Variants in ADAMTS9 observed in about 807,000 individuals in gnomAD.
ADAMTS9 encodes the protein ADAM metallopeptidase with thrombospondin type 1 motif 9, also known as A disintegrin and metalloproteinase with thrombospondin motifs 9.
A neutral mutation model predicts 257.1 loss-of-function variants in ADAMTS9; 107 were observed. The observed-to-expected ratio is 0.42, with a 90% CI of 0.36 to 0.49. The LOEUF (loss-of-function observed/expected upper bound fraction) is 0.49, where lower values mean the gene tolerates loss of function less well. ADAMTS9 is among the 20% of genes least tolerant of loss of function. The pLI, the probability that ADAMTS9 is intolerant of heterozygous loss-of-function variation, is 0.03. For missense variants in ADAMTS9, 2,353 were observed against 2,469.1 expected (o/e 0.95, Z 1.00); for synonymous variants, 982 against 880.9 (o/e 1.11, Z -2.03).
chr3:64,680,383 C>G (rs1230055504), intron 3 of ADAMTS9, among the ~76,000 whole-genome samples: 1 of 152,012 alleles, frequency 6.6e-6, no homozygotes, highest in African/African-American at 2.4e-5. Context: ...AGTATTTTCA[C>G]GAACATCCTA....
rs1467745756 is a variant in ADAMTS9, at chr3:64,654,422, C to G, written c.1247G>C (p.Arg416Thr). 1.2e-6 allele frequency: 2 copies of G among 1,614,132 alleles called. No individual in the cohort carries two copies. Among genetic ancestry groups the G allele is most frequent in the Non-Finnish European group, 1.7e-6 (2 of 1,180,022 alleles). ...ACTATCTTCACTAATAGAACAGCTT[C>G]TATAGGGATCACAAATGGTTCCCAG... ...AELGTICDPYRSCSISEDSGL... is the reference protein window; with the variant it reads ...AELGTICDPYTSCSISEDSGL... Residue 416 changes from arginine (R) to threonine (T), a missense_variant, in exon 8 of 40, where the codon AGA (arginine) becomes ACA (threonine). Physicochemically the swap from Arg to Thr is moderately conservative, Grantham distance 71. Coordinates refer to ENST00000498707, the MANE Select transcript of ADAMTS9 (RefSeq NM_182920.2).
At chr3:64,667,193 T>C (rs569415772) in intron 3 of ADAMTS9, among the ~76,000 whole-genome samples, 2 of 152,320 alleles carry the variant, frequency 1.3e-5, no homozygotes, top group African/African-American at 4.8e-5. Flanking sequence ...GAGTGGTTTA[T>C]GGAACATTAG....
At chr3:64,524,203 G>T (rs1024102982) in intron 38 of ADAMTS9, among the ~76,000 whole-genome samples, 4 of 152,162 alleles carry the variant, frequency 2.6e-5, no homozygotes, top group African/African-American at 4.8e-5. Flanking sequence ...TGATATAAAT[G>T]CAAAGGAAAT....
In ADAMTS9 at chr3:64,649,150, A is replaced by C. The variant is rs532475125; in HGVS notation, c.1605+487T>G. On this transcript the variant is annotated intron_variant, in intron 10 of 39. Coordinates refer to ENST00000498707, the MANE Select transcript of ADAMTS9 (RefSeq NM_182920.2). Reference sequence around the variant, plus strand: ...ACACAGCCACCCCAGCTGAGGCCCCACCAGAAATGATTTCAAGCCCCAGGT... The same window carrying C: ...ACACAGCCACCCCAGCTGAGGCCCCCCCAGAAATGATTTCAAGCCCCAGGT... Among the ~76,000 whole-genome samples the C allele has an allele frequency of 2.0e-5, 3 of 152,244 alleles. No homozygotes were observed. The South Asian group carries it at 6.2e-4, about 32-fold the overall frequency.
chr3:64,625,286 T>A (rs751949092), intron 16 of ADAMTS9, among the ~76,000 whole-genome samples: 9 of 152,146 alleles, frequency 5.9e-5, no homozygotes, highest in Non-Finnish European at 1.3e-4. Context: ...CAAGATGTCT[T>A]AGGTATTAGC....
At chr3:64,685,856 GGCCACCCC>G (rs1701890569) in intron 2 of ADAMTS9, among the ~76,000 whole-genome samples, 1 of 151,962 alleles carries the variant, frequency 6.6e-6, no homozygotes, top group South Asian at 2.1e-4. Context: ...CGTTTCTCCC[GGCCACCCC>G]GCCAGTAGGG....
Position 64,602,481 on chromosome 3 carries a change from G to GAAT in ADAMTS9, c.3748-271_3748-269dup, listed in dbSNP as rs1221562369. 5.9e-5 allele frequency among the ~76,000 whole-genome samples: 9 copies of GAAT among 152,208 alleles called. No homozygotes were observed. In the East Asian group the frequency reaches 1.5e-3, roughly 26 times the overall value. On this transcript the variant is annotated intron_variant, in intron 25 of 39. Coordinates refer to ENST00000498707, the MANE Select transcript of ADAMTS9 (RefSeq NM_182920.2). ...CTTCCAGTGATTTTCCAACTCATTT[G>GAAT]AATAATACCCAAAATCCTTACATTG...
At chr3:64,639,916 G>C (rs1700597037) in intron 12 of ADAMTS9, among the ~76,000 whole-genome samples, 1 of 152,098 alleles carries the variant, frequency 6.6e-6, no homozygotes, top group South Asian at 2.1e-4. Context: ...AATCTGAAAA[G>C]TCTGAAATGA....
At chr3:64,646,322 C>T (rs531365413) in intron 11 of ADAMTS9, among the ~76,000 whole-genome samples, 16 of 152,256 alleles carry the variant, frequency 1.1e-4, no homozygotes, top group Non-Finnish European at 2.1e-4. Context: ...GACTCTGAGG[C>T]CACATCTTGA....
chr3:64,638,226 G>A (rs1314753619), intron 12 of ADAMTS9, among the ~76,000 whole-genome samples: 3 of 152,072 alleles, frequency 2.0e-5, no homozygotes, highest in Admixed American at 1.3e-4. Flanking sequence ...GAACTGACAC[G>A]ATTTTTGTTT....
At chr3:64,608,357 A>G (rs1287603101) in intron 22 of ADAMTS9, among the ~76,000 whole-genome samples, 2 of 151,916 alleles carry the variant, frequency 1.3e-5, no homozygotes, top group Non-Finnish European at 2.9e-5. Context: ...AAAAATCAAC[A>G]GAACCAGAAA....
intron 30 of ADAMTS9, among the ~76,000 whole-genome samples, chr3:64,557,530 G>T (rs553938141): frequency 1.3e-5 from 2 of 152,238 alleles, no homozygotes; most frequent in South Asian, 4.1e-4. Context: ...AAGCTGGCGG[G>T]TGATATTAGA....
chr3:64,600,569 T>C (rs920463520), intron 26 of ADAMTS9, among the ~76,000 whole-genome samples: 4 of 152,236 alleles, frequency 2.6e-5, no homozygotes, highest in Non-Finnish European at 4.4e-5. Flanking sequence ...ATCATTAGAC[T>C]ACACATGTGT....
intron 31 of ADAMTS9, among the ~76,000 whole-genome samples, chr3:64,548,991 C>A (rs1313565593): frequency 1.3e-5 from 2 of 152,222 alleles, no homozygotes; most frequent in Admixed American, 1.3e-4. Context: ...CGGGCCTCCG[C>A]CAATTCAGGT....
rs756701490 is a variant in ADAMTS9, at chr3:64,649,709, T to G, written c.1533A>C (p.Pro511=). The G allele has an allele frequency of 6.8e-6, 11 of 1,613,952 alleles. No homozygotes were observed. Among genetic ancestry groups the G allele is most frequent in the Non-Finnish European group, 8.5e-6 (10 of 1,179,998 alleles). The change falls in exon 10 of 40, where the codon CCA becomes CCC. Residue 511 remains proline (P), a synonymous_variant. Transcript: ENST00000498707. The stretch of plus-strand genomic sequence containing the variant: ...GTTTATTCACGTTGTAAAGGATGCC[T>G]GGCAGTTGGACAGGCAAAGGGTAGG... ...SRPYPLPVQL[P]GILYNVNKQC...
At chr3:64,597,921 T>C (rs933947092) in intron 26 of ADAMTS9, among the ~76,000 whole-genome samples, 2 of 152,342 alleles carry the variant, frequency 1.3e-5, no homozygotes, top group South Asian at 4.1e-4. Flanking sequence ...AGACTCAAAC[T>C]GCATTTGCAA....
At chr3:64,593,966 T>TGC (rs2084311210) in intron 28 of ADAMTS9, among the ~76,000 whole-genome samples, 1 of 82,174 alleles carries the variant, frequency 1.2e-5, no homozygotes, top group Non-Finnish European at 2.1e-5. Flanking sequence ...GTATGATGTG[T>TGC]GTGTGTGTGT....
At chr3:64,569,610 T>TGA (rs2083628007) in intron 28 of ADAMTS9, among the ~76,000 whole-genome samples, 1 of 150,198 alleles carries the variant, frequency 6.7e-6, no homozygotes, top group Admixed American at 6.6e-5. Flanking sequence ...TGAAACATAT[T>TGA]AACTCAACCA....
At chr3:64,554,520 C>A (rs745451787) in intron 30 of ADAMTS9, among the ~76,000 whole-genome samples, 1 of 151,978 alleles carries the variant, frequency 6.6e-6, no homozygotes, top group African/African-American at 2.4e-5. Flanking sequence ...CAACCCTCTA[C>A]GATTTATGAC....
Sources: allele counts gnomAD v4.1 joint callset (sites outside exome capture counted in the v4.1 genomes callset), GRCh38; gene constraint gnomAD v4.1.1; transcripts MANE v1.5; gene names NCBI Gene and HGNC (gene_info 2026-07-23, HGNC 2026-07-21).